Variants in PTCHD4 observed in about 807,000 individuals in gnomAD.
PTCHD4 encodes the protein patched domain-containing protein 4.
A neutral mutation model predicts 58.1 loss-of-function variants in PTCHD4; 33 were observed. The ratio of observed to expected loss-of-function variants is 0.57; its 90% CI spans 0.43 to 0.76. The LOEUF (loss-of-function observed/expected upper bound fraction) is 0.76. PTCHD4 is among the 30% of genes least tolerant of loss of function. PTCHD4 has a pLI of 0.00. For synonymous variants in PTCHD4, 478 were observed against 409.6 expected (o/e 1.17, Z -2.02); for missense variants, 1,058 against 1,027.1 (o/e 1.03, Z -0.41).
At chr6:47,905,802 T>C (rs1317257670) in intron 4 of PTCHD4, among the ~76,000 whole-genome samples, 3 of 152,194 alleles carry the variant, frequency 2.0e-5, no homozygotes, top group Non-Finnish European at 4.4e-5. Flanking sequence ...TTTCTGTAAC[T>C]GCATCTCTCA....
chr6:47,922,894 C>T (rs1448570800), intron 4 of PTCHD4, among the ~76,000 whole-genome samples: 1 of 152,180 alleles, frequency 6.6e-6, no homozygotes, highest in African/African-American at 2.4e-5. Context: ...ACTGGGATTC[C>T]TTTGCTGAAT....
intron 3 of PTCHD4, among the ~76,000 whole-genome samples, chr6:48,048,403 C>A (rs1764114104): frequency 1.3e-5 from 2 of 151,920 alleles, no homozygotes; most frequent in South Asian, 4.1e-4. Context: ...AAATACTTCA[C>A]TTGAAAAATG....
intron 4 of PTCHD4, among the ~76,000 whole-genome samples, chr6:47,951,584 T>A (rs1202525496): frequency 6.6e-6 from 1 of 152,186 alleles, no homozygotes; most frequent in African/African-American, 2.4e-5. Context: ...AATCATTTAC[T>A]GAATAACTGA....
At chr6:48,041,621 A>G (rs1341236473) in intron 3 of PTCHD4, among the ~76,000 whole-genome samples, 3 of 152,136 alleles carry the variant, frequency 2.0e-5, no homozygotes, top group Middle Eastern at 3.4e-3. Flanking sequence ...CTTGCTAAAG[A>G]TGTTATTGAG....
At chr6:47,992,004 T>G (rs1021166425) in intron 4 of PTCHD4, among the ~76,000 whole-genome samples, 27 of 152,050 alleles carry the variant, frequency 1.8e-4, no homozygotes, top group African/African-American at 1.4e-4. Flanking sequence ...CTAAAGGGAC[T>G]AAATTTCTCC....
In PTCHD4 at chr6:47,934,280, T is replaced by C. The variant is rs539510281; in HGVS notation, c.899-54344A>G. On this transcript the variant is annotated intron_variant, in intron 4 of 4. Transcript: ENST00000339488. The stretch of plus-strand genomic sequence containing the variant: ...CTCTGGCTCTGAGAGAGTTCCTGTT[T>C]CCCCTTTAGCTTCCTTTTCACCCAG... Among the ~76,000 whole-genome samples the C allele has an allele frequency of 3.9e-5, 6 of 152,274 alleles. No individual in the cohort carries two copies. In the East Asian group the frequency reaches 1.2e-3, roughly 29 times the overall value.
At chr6:47,910,639 T>A (rs188429199) in intron 4 of PTCHD4, among the ~76,000 whole-genome samples, 26 of 152,232 alleles carry the variant, frequency 1.7e-4, no homozygotes, top group African/African-American at 5.8e-4. Context: ...AGTCTACATA[T>A]TTTTTAAATC....
At position 47,917,524 on chromosome 6, in the gene PTCHD4, T is replaced by C. The variant is rs948548074; in HGVS notation, c.899-37588A>G. Among the ~76,000 whole-genome samples the C allele has an allele frequency of 7.9e-5, 12 of 152,300 alleles. No individual in the cohort carries two copies. In the East Asian group the frequency reaches 1.4e-3, roughly 17 times the overall value. On this transcript the variant is annotated intron_variant, in intron 4 of 4. Transcript: ENST00000339488. Reference sequence around the variant, plus strand: ...TGGTCTTGAAATGTTTTCTTTACTATTCCTTCTTTAGGTATCCCATAACCC... The same window carrying C: ...TGGTCTTGAAATGTTTTCTTTACTACTCCTTCTTTAGGTATCCCATAACCC...
chr6:48,061,865 C>A (rs890282236), intron 3 of PTCHD4, among the ~76,000 whole-genome samples: 21 of 152,118 alleles, frequency 1.4e-4, no homozygotes, highest in African/African-American at 4.3e-4. Flanking sequence ...ATGATTCCAC[C>A]CTGGGGAGGA....
At chr6:48,010,367 G>A (rs1262279052) in intron 3 of PTCHD4, among the ~76,000 whole-genome samples, 2 of 152,024 alleles carry the variant, frequency 1.3e-5, no homozygotes, top group Non-Finnish European at 2.9e-5. Flanking sequence ...CTTGTTTTTC[G>A]CAGAACTGGG....
intron 3 of PTCHD4, among the ~76,000 whole-genome samples, chr6:48,033,032 T>A (rs1763505478): frequency 6.6e-6 from 1 of 152,278 alleles, no homozygotes; most frequent in Non-Finnish European, 1.5e-5. Context: ...TAAAAATATT[T>A]TTTTTAGAAT....
At chr6:47,943,423 G>A (rs931265326) in intron 4 of PTCHD4, among the ~76,000 whole-genome samples, 1 of 152,090 alleles carries the variant, frequency 6.6e-6, no homozygotes, top group Non-Finnish European at 1.5e-5. Context: ...TTGGCACTCT[G>A]CTACTGGAGA....
At chr6:47,976,653 TC>T (rs1767700925) in intron 4 of PTCHD4, among the ~76,000 whole-genome samples, 1 of 87,516 alleles carries the variant, frequency 1.1e-5, no homozygotes, top group Non-Finnish European at 2.2e-5. Context: ...GGACTCCATA[TC>T]AAAATAAATA....
intron 4 of PTCHD4, among the ~76,000 whole-genome samples, chr6:47,995,044 A>G (rs1768430324): frequency 6.6e-6 from 1 of 152,220 alleles, no homozygotes; most frequent in East Asian, 1.9e-4. Context: ...TGAGGATTAA[A>G]CTCATTTGGT....
intron 4 of PTCHD4, among the ~76,000 whole-genome samples, chr6:47,959,643 C>G (rs534046836): frequency 6.6e-6 from 1 of 152,012 alleles, no homozygotes; most frequent in Non-Finnish European, 1.5e-5. Flanking sequence ...AATAAAGAGA[C>G]AATCATAGGA....
At chr6:48,013,393 A>C (rs1393785653) in intron 3 of PTCHD4, among the ~76,000 whole-genome samples, 1 of 123,964 alleles carries the variant, frequency 8.1e-6, no homozygotes, top group East Asian at 2.4e-4. Context: ...TTTTTTTCTC[A>C]GAATGTCTCC....
intron 3 of PTCHD4, among the ~76,000 whole-genome samples, chr6:48,059,554 A>G (rs902768534): frequency 1.3e-5 from 2 of 151,956 alleles, no homozygotes; most frequent in Non-Finnish European, 2.9e-5. Context: ...CAGGAGAATC[A>G]CTTGAACCCG....
rs1383068112 is a variant in PTCHD4, at chr6:47,864,195, C to A, written c.*14108G>T. 4.0e-5 allele frequency among the ~76,000 whole-genome samples: 6 copies of A among 151,882 alleles called. No individual in the cohort carries two copies. Among genetic ancestry groups the A allele is most frequent in the African/African-American group, 1.4e-4 (6 of 41,388 alleles). On this transcript the variant is annotated 3_prime_UTR_variant, in exon 5 of 5. Coordinates refer to ENST00000339488, the MANE Select transcript of PTCHD4 (RefSeq NM_001384253.1). The stretch of plus-strand genomic sequence containing the variant: ...CACTCCAGATCTATTGAATCAGAAC[C>A]TCTGGAGATGGGGATATGCAGGCTG...
chr6:48,034,335 C>A (rs979075657), intron 3 of PTCHD4, among the ~76,000 whole-genome samples: 2 of 151,982 alleles, frequency 1.3e-5, no homozygotes, highest in Admixed American at 6.6e-5. Context: ...GGAGAGATGT[C>A]TAAGGACAGT....
Sources: allele counts gnomAD v4.1 joint callset (sites outside exome capture counted in the v4.1 genomes callset), GRCh38; gene constraint gnomAD v4.1.1; transcripts MANE v1.5; gene names NCBI Gene and HGNC (gene_info 2026-07-23, HGNC 2026-07-21).